The following DLG2 variants were observed in gnomAD, a reference collection of about 807,000 sequenced individuals.
DLG2 encodes disks large homolog 2.
Under a neutral mutation model 132.5 loss-of-function variants are expected in DLG2, and 45 were observed. That is an observed-to-expected ratio of 0.34 (90% confidence interval 0.27 to 0.44). The LOEUF is 0.44. Ranked by LOEUF, DLG2 falls within the 20% of genes least tolerant of loss-of-function variation. DLG2 has a pLI of 1.00. For synonymous variants in DLG2, 424 were observed against 419.6 expected, an observed-to-expected ratio of 1.01 and a Z score of -0.13; for missense variants, 1,045 against 1,196.9, an observed-to-expected ratio of 0.87 and a Z score of 1.87.
intron 7 of DLG2, among the ~76,000 whole-genome samples, chr11:84,289,619 GA>G (rs1224521572): frequency 6.6e-6 from 1 of 152,084 alleles, no homozygotes; most frequent in Non-Finnish European, 1.5e-5. Context: ...TGACTCACAG[GA>G]AAACCTTTAA....
At chr11:84,864,336 A>C (rs1211990356) in intron 6 of DLG2, among the ~76,000 whole-genome samples, 1 of 152,044 alleles carries the variant, frequency 6.6e-6, no homozygotes, top group Non-Finnish European at 1.5e-5. Context: ...GAAAAAGTAA[A>C]CTCTGTCCTC....
chr11:83,568,242 T>C (rs1267362140), intron 19 of DLG2, among the ~76,000 whole-genome samples: 2 of 152,078 alleles, frequency 1.3e-5, no homozygotes, highest in Non-Finnish European at 2.9e-5. Context: ...AAGTGAATTA[T>C]TGAATGAGGA....
chr11:83,582,621 A>G (rs1189228449), intron 19 of DLG2, among the ~76,000 whole-genome samples: 1 of 152,226 alleles, frequency 6.6e-6, no homozygotes. Context: ...CAGCAATATT[A>G]TTAATGGATT....
In DLG2 at chr11:83,831,214, TA is replaced by T. The variant is rs570611750; in HGVS notation, c.1722+2399del. On this transcript the variant is annotated intron_variant, in intron 17 of 27. Transcript: ENST00000376104. ...CAGACATGTAAACGTATATGCACAA[TA>T]AGGTTTGATAGCTGCCAGTTATATC... 5.9e-5 allele frequency among the ~76,000 whole-genome samples: 9 copies of T among 152,240 alleles called. No homozygotes were observed. The South Asian group carries it at 1.9e-3, about 32-fold the overall frequency.
At chr11:85,242,397 T>A (rs1595649158) in intron 4 of DLG2, among the ~76,000 whole-genome samples, 1 of 151,912 alleles carries the variant, frequency 6.6e-6, no homozygotes, top group East Asian at 1.9e-4. Flanking sequence ...CAGTCTAGTA[T>A]TTTGTACCCA....
At chr11:84,035,412 G>A (rs1340288579) in intron 11 of DLG2, among the ~76,000 whole-genome samples, 1 of 152,096 alleles carries the variant, frequency 6.6e-6, no homozygotes, top group Non-Finnish European at 1.5e-5. Context: ...ATACTATGAG[G>A]AAAAATAAAG....
At chr11:85,055,555 G>A (rs1348763725) in intron 6 of DLG2, among the ~76,000 whole-genome samples, 1 of 152,142 alleles carries the variant, frequency 6.6e-6, no homozygotes, top group Admixed American at 6.5e-5. Flanking sequence ...ATGGACTGGG[G>A]AAACAAAAAT....
At chr11:84,265,890 A>C (rs2097621628) in intron 7 of DLG2, among the ~76,000 whole-genome samples, 1 of 152,122 alleles carries the variant, frequency 6.6e-6, no homozygotes, top group South Asian at 2.1e-4. Context: ...AGCTTTTCAG[A>C]TTTTAATGTG....
chr11:85,504,520 T>A (rs1394729888), intron 3 of DLG2, among the ~76,000 whole-genome samples: 1 of 152,126 alleles, frequency 6.6e-6, no homozygotes, highest in Non-Finnish European at 1.5e-5. Flanking sequence ...ATCAGATGGT[T>A]GTAGATGTGT....
At chr11:85,498,005 G>A (rs904249136) in intron 3 of DLG2, among the ~76,000 whole-genome samples, 2 of 152,188 alleles carry the variant, frequency 1.3e-5, no homozygotes, top group African/African-American at 4.8e-5. Flanking sequence ...TCGATGCTAT[G>A]AAGAAACCAC....
chr11:84,210,138 A>G (rs1158437633), intron 8 of DLG2, among the ~76,000 whole-genome samples: 4 of 151,492 alleles, frequency 2.6e-5, no homozygotes, highest in Non-Finnish European at 5.9e-5. Context: ...CAAAAATTAT[A>G]TGGTCATGGT....
intron 3 of DLG2, among the ~76,000 whole-genome samples, chr11:85,479,160 T>C (rs1292354253): frequency 6.6e-6 from 1 of 152,232 alleles, no homozygotes; most frequent in Admixed American, 6.5e-5. Flanking sequence ...TTTGTCTTAG[T>C]CCATTTGGGC....
At chr11:84,963,182 G>T (rs141688956) in intron 6 of DLG2, among the ~76,000 whole-genome samples, 2 of 152,174 alleles carry the variant, frequency 1.3e-5, no homozygotes, top group East Asian at 3.9e-4. Context: ...TTTAGGTAAA[G>T]TGCTGCTGAC....
At chr11:84,217,941 G>A (rs560535094) in intron 8 of DLG2, among the ~76,000 whole-genome samples, 1 of 152,250 alleles carries the variant, frequency 6.6e-6, no homozygotes, top group South Asian at 2.1e-4. Context: ...GCCAAGGTGG[G>A]CAGATCACTT....
At chr11:84,215,432 A>AT (rs1344501107) in intron 8 of DLG2, among the ~76,000 whole-genome samples, 3 of 140,054 alleles carry the variant, frequency 2.1e-5, no homozygotes, top group Admixed American at 7.0e-5. Flanking sequence ...AACACTATCA[A>AT]TTATTTTTTT....
At chr11:85,040,692 C>A (rs1229683867) in intron 6 of DLG2, among the ~76,000 whole-genome samples, 1 of 151,844 alleles carries the variant, frequency 6.6e-6, no homozygotes, top group African/African-American at 2.4e-5. Flanking sequence ...AAACATATGG[C>A]CTTTCTCTCT....
intron 19 of DLG2, among the ~76,000 whole-genome samples, chr11:83,588,103 T>C (rs868447360): frequency 1.3e-4 from 20 of 152,170 alleles, no homozygotes; most frequent in Middle Eastern, 6.8e-3. Context: ...ACAAAGCAGC[T>C]GGGAAGCTCG....
chr11:85,243,606 C>T (rs2075998072), intron 4 of DLG2, among the ~76,000 whole-genome samples: 1 of 151,902 alleles, frequency 6.6e-6, no homozygotes, highest in Admixed American at 6.6e-5. Context: ...TTCAAAGCAG[C>T]AGTTGGCCTT....
intron 7 of DLG2, among the ~76,000 whole-genome samples, chr11:84,363,678 G>C (rs1463296014): frequency 6.6e-6 from 1 of 151,646 alleles, no homozygotes; most frequent in East Asian, 1.9e-4. Context: ...ATCTTGAACT[G>C]ATTTTTGTAT....
Sources: allele counts gnomAD v4.1 joint callset (sites outside exome capture counted in the v4.1 genomes callset), GRCh38; gene constraint gnomAD v4.1.1; transcripts MANE v1.5; gene names NCBI Gene and HGNC (gene_info 2026-07-23, HGNC 2026-07-21).